The following DSCAML1 variants were observed in gnomAD, a reference collection of about 807,000 sequenced individuals.
DSCAML1 encodes DS cell adhesion molecule like 1, also known as cell adhesion molecule DSCAML1.
DSCAML1 carries 38 observed loss-of-function variants against 200.5 expected under a neutral mutation model. That is an observed-to-expected ratio of 0.19 (90% CI 0.15 to 0.25). The LOEUF is 0.25. Ranked by LOEUF, DSCAML1 falls within the 10% of genes least tolerant of loss-of-function variation. The pLI, the probability that DSCAML1 is intolerant of heterozygous loss-of-function variation, is 1.00. For synonymous variants in DSCAML1, 1,215 were observed against 1,165.0 expected, an observed-to-expected ratio of 1.04 and a Z score of -0.87; for missense variants, 2,223 against 2,858.8, an observed-to-expected ratio of 0.78 and a Z score of 5.07.
chr11:117,608,071 G>T (rs1259647929), intron 3 of DSCAML1, among the ~76,000 whole-genome samples: 1 of 152,246 alleles, frequency 6.6e-6, no homozygotes, highest in Non-Finnish European at 1.5e-5. Context: ...TCTGACCCAT[G>T]ACATGTGTCT....
chr11:117,773,529 G>GCACA (rs59492776), intron 3 of DSCAML1, among the ~76,000 whole-genome samples: 49,782 of 144,264 alleles, frequency 0.35, 8,517 homozygotes, highest in East Asian at 0.44. Flanking sequence ...ACCTCAAAAT[G>GCACA]CACACACACA....
At chr11:117,765,675 C>T (rs368612547) in intron 3 of DSCAML1, among the ~76,000 whole-genome samples, 3 of 152,152 alleles carry the variant, frequency 2.0e-5, no homozygotes, top group East Asian at 3.8e-4. Flanking sequence ...CAGATCTATA[C>T]AGAAAAATAC....
intron 3 of DSCAML1, among the ~76,000 whole-genome samples, chr11:117,723,220 G>T (rs1420456383): frequency 6.6e-6 from 1 of 152,146 alleles, no homozygotes; most frequent in Non-Finnish European, 1.5e-5. Context: ...GTAGCTTTAG[G>T]TCATTCACAG....
At chr11:117,681,035 C>T (rs1248659353) in intron 3 of DSCAML1, among the ~76,000 whole-genome samples, 1 of 152,214 alleles carries the variant, frequency 6.6e-6, no homozygotes, top group Non-Finnish European at 1.5e-5. Flanking sequence ...CTCATCCTCC[C>T]TCATTCGGAC....
intron 3 of DSCAML1, among the ~76,000 whole-genome samples, chr11:117,669,828 C>T (rs182317015): frequency 6.6e-5 from 10 of 152,306 alleles, no homozygotes; most frequent in East Asian, 1.9e-4. Flanking sequence ...CATCCTGGTT[C>T]GTCTGAGAAA....
chr11:117,773,529 G>GCGCACA, intron 3 of DSCAML1, among the ~76,000 whole-genome samples: 1 of 144,586 alleles, frequency 6.9e-6, no homozygotes, highest in South Asian at 2.2e-4. Context: ...ACCTCAAAAT[G>GCGCACA]CACACACACA....
At chr11:117,509,033 G>A (rs1233693037) in intron 8 of DSCAML1, among the ~76,000 whole-genome samples, 2 of 152,064 alleles carry the variant, frequency 1.3e-5, no homozygotes, top group East Asian at 1.9e-4. Context: ...ATTATGCTCC[G>A]TGTGGGCTGG....
intron 3 of DSCAML1, among the ~76,000 whole-genome samples, chr11:117,548,352 A>G (rs1219547596): frequency 6.6e-6 from 1 of 152,252 alleles, no homozygotes; most frequent in Admixed American, 6.5e-5. Flanking sequence ...ATCCAGAGCC[A>G]GACTTTTGGT....
At chr11:117,577,597 C>T (rs35857852) in intron 3 of DSCAML1, among the ~76,000 whole-genome samples, 77,118 of 141,300 alleles carry the variant, frequency 0.55, 22,152 homozygotes, top group Non-Finnish European at 0.64. Context: ...GACGGAGCCT[C>T]GCTCTGTCGC....
intron 19 of DSCAML1, 147 bp downstream of exon 19, chr11:117,458,607 C>A (rs889244783): frequency 2.3e-5 from 25 of 1,080,046 alleles, no homozygotes; most frequent in Non-Finnish European, 3.0e-5. Context: ...AGAGCATTTC[C>A]CTCAAGAGTC....
chr11:117,650,927 G>A (rs1369631481), intron 3 of DSCAML1, among the ~76,000 whole-genome samples: 1 of 152,204 alleles, frequency 6.6e-6, no homozygotes, highest in African/African-American at 2.4e-5. Flanking sequence ...TGATCAACCT[G>A]GGAGAGTACA....
Position 117,516,775 on chromosome 11 carries a change from A to T in DSCAML1, c.1511-36T>A. Reference sequence around the variant, plus strand: ...GTCAGAAGAGAGGAGGAGGAGGAGAAGGGCATGTGCTGCTGTCAGCCAGGG... The same window carrying T: ...GTCAGAAGAGAGGAGGAGGAGGAGATGGGCATGTGCTGCTGTCAGCCAGGG... On this transcript the variant is annotated intron_variant, in intron 7 of 32. Transcript: ENST00000651296. This position sits in a 1 kb window ranked among gnomAD's most constrained non-coding sequence, Gnocchi z 5.7. 1 of 1,587,754 alleles carries T rather than the reference A, an allele frequency of 6.3e-7. No homozygotes were observed. The highest frequency in any genetic ancestry group is 8.6e-7 in the Non-Finnish European group (1 of 1,166,348).
At chr11:117,583,708 C>T (rs1355000676) in intron 3 of DSCAML1, among the ~76,000 whole-genome samples, 1 of 152,224 alleles carries the variant, frequency 6.6e-6, no homozygotes, top group Non-Finnish European at 1.5e-5. Context: ...AGCCTGGCTC[C>T]ATCCCCGCCT....
At chr11:117,573,210 T>C (rs115902221) in intron 3 of DSCAML1, among the ~76,000 whole-genome samples, 2,134 of 152,304 alleles carry the variant, frequency 0.014, 55 homozygotes, top group African/African-American at 0.048. Flanking sequence ...CTGCAGATCA[T>C]ACGCAGAGTA....
At chr11:117,487,521 A>G (rs964025445) in intron 11 of DSCAML1, among the ~76,000 whole-genome samples, 8 of 152,308 alleles carry the variant, frequency 5.3e-5, no homozygotes, top group African/African-American at 1.9e-4. Flanking sequence ...GATGGGTTGC[A>G]GAGGGCAGTA....
At chr11:117,449,609 T>C (rs1203652499) in intron 20 of DSCAML1, among the ~76,000 whole-genome samples, 1 of 152,184 alleles carries the variant, frequency 6.6e-6, no homozygotes, top group Non-Finnish European at 1.5e-5. Flanking sequence ...GCAGGCCTCC[T>C]GCTCCTGCTT....
chr11:117,595,442 C>A (rs1255935909), intron 3 of DSCAML1, among the ~76,000 whole-genome samples: 1 of 152,084 alleles, frequency 6.6e-6, no homozygotes, highest in Admixed American at 6.5e-5. Flanking sequence ...GTTGCGTATG[C>A]AGTTTTATAT....
chr11:117,517,802 T>A (rs2049802885), intron 7 of DSCAML1, among the ~76,000 whole-genome samples: 1 of 152,216 alleles, frequency 6.6e-6, no homozygotes, highest in African/African-American at 2.4e-5. Context: ...GAGGAGACTG[T>A]GTTCTCACCA....
chr11:117,465,794 T>C (rs143795500), intron 16 of DSCAML1, among the ~76,000 whole-genome samples: 2,427 of 152,198 alleles, frequency 0.016, 80 homozygotes, highest in African/African-American at 0.055. Context: ...AGGGATATCA[T>C]TTGGCATGGG....
Sources: gnomAD v4.1 joint callset for allele counts (sites outside exome capture counted in the v4.1 genomes callset) on GRCh38, gnomAD v4.1.1 for gene constraint, Gnocchi (gnomAD v3.1) non-coding constraint, MANE v1.5 for transcripts, NCBI Gene and HGNC (gene_info 2026-07-23, HGNC 2026-07-21) for gene names.